Variants in BACH2 observed in about 807,000 individuals in gnomAD.
BACH2 encodes the protein BACH transcriptional regulator 2.
BACH2 carries 5 observed loss-of-function variants against 61.8 expected under a neutral mutation model. The ratio of observed to expected loss-of-function variants is 0.08; its 90% CI spans 0.04 to 0.17. The LOEUF (loss-of-function observed/expected upper bound fraction) is 0.17, where lower values mean the gene tolerates loss of function less well. Among genes scored for constraint, BACH2 ranks in the 10% least tolerant of loss-of-function variants. BACH2 has a pLI of 1.00. For missense variants in BACH2, 824 were observed against 1,091.1 expected, an observed-to-expected ratio of 0.76 and a Z score of 3.45; for synonymous variants, 446 against 440.1, an observed-to-expected ratio of 1.01 and a Z score of -0.17.
intron 5 of BACH2, among the ~76,000 whole-genome samples, chr6:90,041,930 G>A (rs1013814662): frequency 4.0e-5 from 6 of 151,540 alleles, no homozygotes; most frequent in Non-Finnish European, 5.9e-5. Flanking sequence ...CTTTTCTAAC[G>A]TTTTGAGTTA....
chr6:90,108,340 A>T (rs1023869578), intron 4 of BACH2, among the ~76,000 whole-genome samples: 1 of 152,204 alleles, frequency 6.6e-6, no homozygotes, highest in African/African-American at 2.4e-5. Context: ...TACAGCCCTG[A>T]CTAAGCTTAC....
At chr6:90,057,967 G>A (rs1233525951) in intron 5 of BACH2, among the ~76,000 whole-genome samples, 28 of 152,236 alleles carry the variant, frequency 1.8e-4, no homozygotes, top group East Asian at 5.8e-4. Flanking sequence ...TTGATGGGAC[G>A]TATCTCAAAA....
At chr6:90,262,022 T>C (rs1348940437) in intron 2 of BACH2, among the ~76,000 whole-genome samples, 1 of 152,208 alleles carries the variant, frequency 6.6e-6, no homozygotes, top group Non-Finnish European at 1.5e-5. Flanking sequence ...AGAATATTTC[T>C]AAAGCACAAA....
At chr6:90,100,569 C>T (rs1037002781) in intron 4 of BACH2, among the ~76,000 whole-genome samples, 4 of 152,082 alleles carry the variant, frequency 2.6e-5, no homozygotes, top group Non-Finnish European at 4.4e-5. Context: ...ACTGCAACAT[C>T]GATGCTTCTC....
At chr6:90,294,239 A>G (rs1163992725) in intron 1 of BACH2, among the ~76,000 whole-genome samples, 2 of 152,192 alleles carry the variant, frequency 1.3e-5, no homozygotes, top group Admixed American at 1.3e-4. Flanking sequence ...AATTTACTCA[A>G]CACATTCATG....
Position 89,950,871 on chromosome 6 carries a change from C to A in BACH2, c.1235G>T (p.Arg412Met). 6.2e-7 allele frequency: 1 copy of A among 1,609,382 alleles called. No homozygotes were observed. Among genetic ancestry groups the A allele is most frequent in the Non-Finnish European group, 8.5e-7 (1 of 1,177,278 alleles). Residue 412 changes from arginine to methionine, a missense_variant, in exon 7 of 9, where the codon AGG becomes ATG. Physicochemically the swap from Arg to Met is moderately conservative, Grantham distance 91. Coordinates refer to ENST00000257749, the MANE Select transcript of BACH2 (RefSeq NM_021813.4). This position sits in a 1 kb window ranked among gnomAD's most constrained non-coding sequence, Gnocchi z 5.3. ...ACAGAGAGCCTCCAACCCAGGCCCC[C>A]TGAGGGGCGACCCCATGGTGAAGTT... ...VSNFTMGSPL[R>M]GPGLEALCKQ...
chr6:90,166,133 T>C (rs1159531377), intron 4 of BACH2, among the ~76,000 whole-genome samples: 6 of 152,008 alleles, frequency 3.9e-5, no homozygotes, highest in African/African-American at 9.7e-5. Flanking sequence ...ACCTACAAAA[T>C]GGGAGAAAGT....
At chr6:90,187,760 C>T (rs955755186) in intron 4 of BACH2, among the ~76,000 whole-genome samples, 1 of 152,216 alleles carries the variant, frequency 6.6e-6, no homozygotes, top group Non-Finnish European at 1.5e-5. Context: ...TTCCTGAGCA[C>T]CTACTATGGG....
At chr6:90,230,247 T>C (rs1770051028) in intron 3 of BACH2, among the ~76,000 whole-genome samples, 1 of 152,214 alleles carries the variant, frequency 6.6e-6, no homozygotes, top group Non-Finnish European at 1.5e-5. Flanking sequence ...TAACACCTCC[T>C]TTGTTGTGAG....
intron 5 of BACH2, among the ~76,000 whole-genome samples, chr6:90,076,781 C>T (rs1781489329): frequency 6.6e-6 from 1 of 152,160 alleles, no homozygotes; most frequent in Non-Finnish European, 1.5e-5. Context: ...CATGCAATTT[C>T]ACCTTCCTCC....
chr6:90,289,149 A>G (rs767937838), intron 1 of BACH2, among the ~76,000 whole-genome samples: 1 of 152,250 alleles, frequency 6.6e-6, no homozygotes, highest in Non-Finnish European at 1.5e-5. Context: ...AAAACATCCA[A>G]TATTTTAGAG....
chr6:90,094,441 G>A (rs1782300063), intron 4 of BACH2, among the ~76,000 whole-genome samples: 1 of 152,168 alleles, frequency 6.6e-6, no homozygotes, highest in Non-Finnish European at 1.5e-5. Flanking sequence ...CACAAAAGTG[G>A]TTTAATGATC....
intron 4 of BACH2, among the ~76,000 whole-genome samples, chr6:90,196,662 G>A (rs972202038): frequency 6.6e-6 from 1 of 151,954 alleles, no homozygotes; most frequent in Non-Finnish European, 1.5e-5. Context: ...ATTGGTTGCA[G>A]TTTTCCTACA....
intron 4 of BACH2, among the ~76,000 whole-genome samples, chr6:90,138,126 A>G (rs1392410626): frequency 2.0e-5 from 3 of 152,088 alleles, no homozygotes; most frequent in Admixed American, 2.0e-4. Flanking sequence ...ATGTTTTCTC[A>G]TAACCAAAGG....
At chr6:90,054,228 G>A (rs957695746) in intron 5 of BACH2, among the ~76,000 whole-genome samples, 1 of 152,188 alleles carries the variant, frequency 6.6e-6, no homozygotes, top group Admixed American at 6.5e-5. Context: ...CAAAGAAAGC[G>A]GTGACAGACG....
At chr6:89,974,910 C>A (rs1448959964) in intron 6 of BACH2, among the ~76,000 whole-genome samples, 1 of 152,182 alleles carries the variant, frequency 6.6e-6, no homozygotes, top group African/African-American at 2.4e-5. Context: ...CAAGGTCTAA[C>A]AAGTCAGTTT....
At chr6:90,100,758 T>G (rs901690338) in intron 4 of BACH2, among the ~76,000 whole-genome samples, 4 of 66,568 alleles carry the variant, frequency 6.0e-5, no homozygotes, top group Non-Finnish European at 1.3e-4. Flanking sequence ...CACCCTCTAT[T>G]GGTTCTATTC....
intron 6 of BACH2, among the ~76,000 whole-genome samples, chr6:89,959,772 C>T (rs929426469): frequency 7.2e-5 from 11 of 152,190 alleles, no homozygotes; most frequent in Admixed American, 2.6e-4. Context: ...TATTGTCTCT[C>T]GGACTCACAT....
At chr6:90,090,068 A>G (rs970338355) in intron 4 of BACH2, among the ~76,000 whole-genome samples, 5 of 152,178 alleles carry the variant, frequency 3.3e-5, no homozygotes, top group African/African-American at 1.2e-4. Flanking sequence ...CTTTTCAGAT[A>G]CATGCACATA....
Sources: allele counts gnomAD v4.1 joint callset (sites outside exome capture counted in the v4.1 genomes callset), GRCh38; gene constraint gnomAD v4.1.1; non-coding constraint Gnocchi (gnomAD v3.1); transcripts MANE v1.5; gene names NCBI Gene and HGNC (gene_info 2026-07-23, HGNC 2026-07-21).